EEF2K: variants seen among roughly 807,000 people sequenced by gnomAD.
EEF2K encodes the protein eukaryotic elongation factor 2 kinase.
A neutral mutation model predicts 93.8 loss-of-function variants in EEF2K; 70 were observed. The ratio of observed to expected loss-of-function variants is 0.75; its 90% CI spans 0.62 to 0.91. The LOEUF (loss-of-function observed/expected upper bound fraction) is 0.91. Ranked by LOEUF, EEF2K falls within the 40% of genes least tolerant of loss-of-function variation. EEF2K has a pLI of 0.00. For missense variants in EEF2K, 935 were observed against 972.9 expected, an observed-to-expected ratio of 0.96 and a Z score of 0.52; for synonymous variants, 376 against 380.8, an observed-to-expected ratio of 0.99 and a Z score of 0.15.
At chr16:22,256,706 C>T (rs372767330) in intron 6 of EEF2K, 42 bp from the exon 7 acceptor site, 54 of 1,596,396 alleles carry the variant, frequency 3.4e-5, no homozygotes, top group Non-Finnish European at 4.2e-5. Flanking sequence ...AGAGGAGGTG[C>T]GCCTGGGCCC....
At chr16:22,279,029 G>A (rs566894692) in intron 16 of EEF2K, among the ~76,000 whole-genome samples, 2 of 151,938 alleles carry the variant, frequency 1.3e-5, no homozygotes, top group Admixed American at 6.6e-5. Flanking sequence ...AGAGGACCCC[G>A]CCCCCAATCC....
intron 1 of EEF2K, among the ~76,000 whole-genome samples, chr16:22,225,121 GTTA>G (rs2047050265): frequency 6.6e-6 from 1 of 152,152 alleles, no homozygotes; most frequent in Admixed American, 6.6e-5. Context: ...AGAACCCACT[GTTA>G]GAAAGGTTGT....
chr16:22,249,250 C>T (rs895243103), intron 4 of EEF2K, among the ~76,000 whole-genome samples: 9 of 149,206 alleles, frequency 6.0e-5, no homozygotes, highest in Non-Finnish European at 1.2e-4. Context: ...GGATTATAGG[C>T]GTAAGCCACC....
intron 17 of EEF2K, among the ~76,000 whole-genome samples, chr16:22,281,247 C>T (rs934660245): frequency 3.3e-5 from 5 of 151,986 alleles, no homozygotes; most frequent in Non-Finnish European, 7.4e-5. Context: ...TTCTTTCTTT[C>T]TTTTTTCTTT....
At chr16:22,208,169 A>G (rs144535272) in intron 1 of EEF2K, among the ~76,000 whole-genome samples, 78 of 152,348 alleles carry the variant, frequency 5.1e-4, no homozygotes, top group African/African-American at 1.8e-3. Context: ...GGAGGCCAGA[A>G]GACAGAACTG....
At chr16:22,274,165 G>A (rs994071423) in intron 16 of EEF2K, among the ~76,000 whole-genome samples, 4 of 152,042 alleles carry the variant, frequency 2.6e-5, no homozygotes, top group Admixed American at 6.6e-5. Context: ...AATTAGGGCC[G>A]GGCATGGTGG....
chr16:22,220,167 A>G (rs1430548960), intron 1 of EEF2K, among the ~76,000 whole-genome samples: 2 of 152,216 alleles, frequency 1.3e-5, no homozygotes, highest in Non-Finnish European at 2.9e-5. Flanking sequence ...CTGCCTTAAG[A>G]GCAAATTTAT....
chr16:22,277,614 T>A (rs2141687667), intron 16 of EEF2K, among the ~76,000 whole-genome samples: 1 of 152,300 alleles, frequency 6.6e-6, no homozygotes, highest in South Asian at 2.1e-4. Context: ...GGGGCTTACC[T>A]TCTAGTCAAG....
chr16:22,253,340 C>G (rs957602170), intron 6 of EEF2K, among the ~76,000 whole-genome samples: 3 of 152,166 alleles, frequency 2.0e-5, no homozygotes, highest in Non-Finnish European at 2.9e-5. Context: ...TGAGCACCTG[C>G]TGTTTGCAGA....
chr16:22,233,036 C>T (rs540977760), intron 2 of EEF2K, among the ~76,000 whole-genome samples: 1 of 152,324 alleles, frequency 6.6e-6, no homozygotes, highest in African/African-American at 2.4e-5. Flanking sequence ...GCCCAAGCTC[C>T]CGTGGAGACG....
At position 22,266,571 on chromosome 16, in the gene EEF2K, C is replaced by T. The variant is rs775894280; in HGVS notation, c.1575+47C>T. 31 of 1,606,304 alleles carry T rather than the reference C, an allele frequency of 1.9e-5. 1 individual carries two copies. In the South Asian group the frequency reaches 2.9e-4, roughly 15 times the overall value. On this transcript the variant is annotated intron_variant, in intron 14 of 17. Coordinates refer to ENST00000263026, the MANE Select transcript of EEF2K (RefSeq NM_013302.5). Reference sequence around the variant, plus strand: ...GAGCCCTGTCTGCACTAACCTGGAGCCCCCCAGCTCCAGCCTCTCCTCCGC... The same window carrying T: ...GAGCCCTGTCTGCACTAACCTGGAGTCCCCCAGCTCCAGCCTCTCCTCCGC...
chr16:22,234,876 G>GTTTTTTT (rs2047151504), intron 2 of EEF2K, among the ~76,000 whole-genome samples: 1 of 85,386 alleles, frequency 1.2e-5, no homozygotes, highest in African/African-American at 4.9e-5. Context: ...GTTTTTTGTT[G>GTTTTTTT]CTTTTTTTTT....
At chr16:22,235,626 T>C (rs2047160351) in intron 2 of EEF2K, among the ~76,000 whole-genome samples, 1 of 152,090 alleles carries the variant, frequency 6.6e-6, no homozygotes, top group African/African-American at 2.4e-5. Context: ...GCCTCCCAAG[T>C]AGCTGGGATT....
At chr16:22,265,333 G>T (rs1441847328) in intron 13 of EEF2K, 1 of 160,760 alleles carries the variant, frequency 6.2e-6, no homozygotes, top group Non-Finnish European at 1.4e-5. Context: ...CCAGCTCTGT[G>T]CCCCACCCAC....
chr16:22,238,046 T>C (rs932804003), intron 2 of EEF2K, among the ~76,000 whole-genome samples: 3 of 152,114 alleles, frequency 2.0e-5, no homozygotes, highest in Admixed American at 2.0e-4. Flanking sequence ...TCTCAGCACT[T>C]TGGGAGGCCA....
At chr16:22,246,602 C>A (rs1194327071) in intron 3 of EEF2K, among the ~76,000 whole-genome samples, 1 of 145,314 alleles carries the variant, frequency 6.9e-6, no homozygotes, top group Non-Finnish European at 1.5e-5. Context: ...GAATCTAAAA[C>A]AAAATATATA....
intron 2 of EEF2K, among the ~76,000 whole-genome samples, chr16:22,238,667 G>GAAA (rs10708756): frequency 4.3e-5 from 4 of 93,456 alleles, no homozygotes; most frequent in Admixed American, 1.2e-4. Context: ...AAGAAAAAAG[G>GAAA]AAAAAAAAAA....
At chr16:22,272,704 C>T (rs2047595701) in intron 15 of EEF2K, among the ~76,000 whole-genome samples, 1 of 151,608 alleles carries the variant, frequency 6.6e-6, no homozygotes, top group African/African-American at 2.4e-5. Flanking sequence ...CTCTGTCACC[C>T]AGGTTGCAGT....
At chr16:22,239,751 C>T (rs934029468) in intron 2 of EEF2K, among the ~76,000 whole-genome samples, 2 of 152,138 alleles carry the variant, frequency 1.3e-5, no homozygotes. Flanking sequence ...TTTGAGGCTG[C>T]GGTGAGCTGT....
Sources: gnomAD v4.1 joint callset for allele counts (sites outside exome capture counted in the v4.1 genomes callset) on GRCh38, gnomAD v4.1.1 for gene constraint, MANE v1.5 for transcripts, NCBI Gene and HGNC (gene_info 2026-07-23, HGNC 2026-07-21) for gene names.